Variants in IL6ST observed in about 807,000 individuals in gnomAD.
IL6ST encodes the protein interleukin-6 receptor subunit beta.
In IL6ST, 24 loss-of-function variants were observed where a neutral mutation model predicts 91.3. That is an observed-to-expected ratio of 0.26 (90% CI 0.19 to 0.37). IL6ST has a LOEUF of 0.37. IL6ST is among the 10% of genes least tolerant of loss of function. The pLI is 1.00. For missense variants in IL6ST, 914 were observed against 1,078.5 expected, an observed-to-expected ratio of 0.85 and a Z score of 2.14; for synonymous variants, 351 against 373.6, an observed-to-expected ratio of 0.94 and a Z score of 0.70.
At chr5:55,954,159 C>T (rs1224639624) in intron 11 of IL6ST, among the ~76,000 whole-genome samples, 1 of 152,166 alleles carries the variant, frequency 6.6e-6, no homozygotes, top group African/African-American at 2.4e-5. Flanking sequence ...AGCTCAAAAA[C>T]TTTATGGCAG....
intron 2 of IL6ST, among the ~76,000 whole-genome samples, chr5:55,979,439 A>T (rs1753515247): frequency 6.6e-6 from 1 of 152,206 alleles, no homozygotes; most frequent in Admixed American, 6.5e-5. Flanking sequence ...TGAGCTGTAC[A>T]CTTATGAGTT....
chr5:55,955,988 C>A, intron 10 of IL6ST, 37 bp downstream of exon 10: 1 of 1,448,118 alleles, frequency 6.9e-7, no homozygotes, highest in Non-Finnish European at 9.7e-7. Context: ...CACCATTTTT[C>A]CACCCAAGAG....
intron 15 of IL6ST, 81 bp downstream of exon 15, chr5:55,947,412 A>C (rs918579320): frequency 1.8e-5 from 14 of 791,576 alleles, no homozygotes; most frequent in Non-Finnish European, 2.8e-5. Flanking sequence ...CTGTACACTT[A>C]AAATGGATAA....
chr5:55,972,490 C>T (rs934604312), intron 3 of IL6ST, among the ~76,000 whole-genome samples: 4 of 151,798 alleles, frequency 2.6e-5, no homozygotes, highest in East Asian at 1.9e-4. Context: ...CCAGCCTGAG[C>T]GACAGAGTGA....
Position 55,946,628 on chromosome 5 carries a change from C to A in IL6ST, c.1937+865G>T, listed in dbSNP as rs978410945. Among the ~76,000 whole-genome samples the A allele has an allele frequency of 3.9e-5, 6 of 151,948 alleles. 1 individual carries two copies. The highest frequency in any genetic ancestry group is 7.4e-5 in the Non-Finnish European group (5 of 67,980). ...GGTCCGGAGTTCGAGACCAGCCTGG[C>A]CAACATGATGAAACTCCGTCTCAAC... is the stretch of plus-strand genomic sequence containing the variant. On this transcript the variant is annotated intron_variant, in intron 15 of 16. Coordinates refer to ENST00000381298, the MANE Select transcript of IL6ST (RefSeq NM_002184.4).
chr5:55,963,540 GT>G (rs762104720), intron 6 of IL6ST, 34 bp from the exon 7 acceptor site: 1 of 1,522,328 alleles, frequency 6.6e-7, no homozygotes, highest in South Asian at 1.2e-5. Context: ...GGTTTATTAT[GT>G]TTTCCAATTT....
rs1432429345 is a variant in IL6ST at position 55,941,109 on chromosome 5, T to C, written c.2730A>G (p.Val910=). ...GMPKSYLPQT[V]RQGGYMPQ Reference sequence around the variant, plus strand: ...ACTGAGGCATGTAGCCGCCTTGCCGTACAGTCTGTGGTAAGTAACTTTTAG... The same window carrying C: ...ACTGAGGCATGTAGCCGCCTTGCCGCACAGTCTGTGGTAAGTAACTTTTAG... The change falls in exon 17 of 17, where the codon GTA becomes GTG. Residue 910 remains valine, a synonymous_variant. Coordinates refer to ENST00000381298, the MANE Select transcript of IL6ST (RefSeq NM_002184.4). The C allele has an allele frequency of 6.2e-7, 1 of 1,613,796 alleles. No homozygotes were observed. The highest frequency in any genetic ancestry group is 8.5e-7 in the Non-Finnish European group (1 of 1,179,806).
intron 5 of IL6ST, among the ~76,000 whole-genome samples, chr5:55,965,915 T>C (rs1182991884): frequency 6.6e-6 from 1 of 152,086 alleles, no homozygotes; most frequent in Non-Finnish European, 1.5e-5. Context: ...CAAATATGTT[T>C]AAATATAAAT....
chr5:55,989,684 C>A (rs1754202857), intron 1 of IL6ST, among the ~76,000 whole-genome samples: 1 of 152,030 alleles, frequency 6.6e-6, no homozygotes, highest in Non-Finnish European at 1.5e-5. Flanking sequence ...ATAGTTCTTG[C>A]CTTTAAGAAG....
At chr5:55,986,500 G>C (rs1753979825) in intron 1 of IL6ST, among the ~76,000 whole-genome samples, 1 of 152,176 alleles carries the variant, frequency 6.6e-6, no homozygotes, top group African/African-American at 2.4e-5. Flanking sequence ...TAGGCAGCAT[G>C]TGGTTGTATC....
In IL6ST at chr5:55,939,601, C is replaced by T. The variant is rs1237254381; in HGVS notation, c.*1481G>A. 4.9e-6 allele frequency: 1 copy of T among 202,806 alleles called. No homozygotes were observed. The highest frequency in any genetic ancestry group is 1.0e-5 in the Non-Finnish European group (1 of 98,722). The allele number at this position is 202,806 out of a possible 1,614,324, so 12.6% of individuals were successfully genotyped here. On this transcript the variant is annotated 3_prime_UTR_variant, in exon 17 of 17. Transcript: ENST00000381298. ...TAAATATGGCATAAAAACCTGTTTC[C>T]TTTGAATTCACTTGATAGCAGTAGT...
At chr5:55,983,919 G>T (rs13362222) in intron 1 of IL6ST, among the ~76,000 whole-genome samples, 17,997 of 151,956 alleles carry the variant, frequency 0.12, 3,158 homozygotes, top group African/African-American at 0.38. Context: ...TTAATATATA[G>T]AGAGTAATTC....
At chr5:55,948,632 G>GTA (rs1008188909) in intron 14 of IL6ST, among the ~76,000 whole-genome samples, 22 of 151,624 alleles carry the variant, frequency 1.5e-4, no homozygotes, top group South Asian at 6.2e-4. Flanking sequence ...ATGTATGTGT[G>GTA]TATATATATA....
At position 55,939,279 on chromosome 5, in the gene IL6ST, T is replaced by C. The variant is rs62363869; in HGVS notation, c.*1803A>G. 1.9e-3 allele frequency: 391 copies of C among 210,246 alleles called. 4 individuals are homozygous for C. The highest frequency in any genetic ancestry group is 1.8e-3 in the Non-Finnish European group (187 of 103,322). 13.0% of individuals were successfully genotyped at this position (210,246 alleles called of 1,614,324 possible). ...CTGTGCCTGATTTTCCTCATCTACTTTGAATTCGTCATTCTATTAATCTAC... is the reference window on the plus strand; with the variant it reads ...CTGTGCCTGATTTTCCTCATCTACTCTGAATTCGTCATTCTATTAATCTAC... On this transcript the variant is annotated 3_prime_UTR_variant, in exon 17 of 17. Transcript: ENST00000381298.
chr5:55,946,545 G>T (rs1339338507), intron 15 of IL6ST, among the ~76,000 whole-genome samples: 3 of 152,166 alleles, frequency 2.0e-5, no homozygotes, highest in African/African-American at 7.2e-5. Flanking sequence ...GCCAGGTGTG[G>T]TGACTCATGC....
At chr5:55,958,742 G>C (rs1452870858) in intron 8 of IL6ST, among the ~76,000 whole-genome samples, 1 of 151,770 alleles carries the variant, frequency 6.6e-6, no homozygotes, top group Non-Finnish European at 1.5e-5. Flanking sequence ...TGGGGGCTGA[G>C]GCATGAGGAT....
At chr5:55,973,245 C>T (rs1753067964) in intron 3 of IL6ST, among the ~76,000 whole-genome samples, 1 of 146,720 alleles carries the variant, frequency 6.8e-6, no homozygotes, top group Admixed American at 6.7e-5. Flanking sequence ...AATGGCCACA[C>T]CTACATATTT....
chr5:55,977,563 C>A (rs1036267820), intron 2 of IL6ST, among the ~76,000 whole-genome samples: 1 of 151,986 alleles, frequency 6.6e-6, no homozygotes, highest in African/African-American at 2.4e-5. Context: ...CGATGGCTCA[C>A]GCCTGTAATC....
At chr5:55,984,399 T>C (rs1486296519) in intron 1 of IL6ST, among the ~76,000 whole-genome samples, 1 of 152,234 alleles carries the variant, frequency 6.6e-6, no homozygotes, top group African/African-American at 2.4e-5. Context: ...AATTGGATGT[T>C]ATAGTGGAGT....
Sources: allele counts gnomAD v4.1 joint callset (sites outside exome capture counted in the v4.1 genomes callset), GRCh38; gene constraint gnomAD v4.1.1; transcripts MANE v1.5; gene names NCBI Gene and HGNC (gene_info 2026-07-23, HGNC 2026-07-21).